KIAA0586: variants seen among roughly 807,000 people sequenced by gnomAD.
KIAA0586 encodes the protein KIAA0586, also known as protein TALPID3.
In KIAA0586, 144 loss-of-function variants were observed where a neutral mutation model predicts 169.8. The observed-to-expected ratio is 0.85, with a 90% CI of 0.74 to 0.97. The LOEUF (loss-of-function observed/expected upper bound fraction) is 0.97. Among genes scored for constraint, KIAA0586 ranks in the 50% least tolerant of loss-of-function variants. The pLI is 0.00. For missense variants in KIAA0586, 1,854 were observed against 1,823.0 expected (o/e 1.02, Z -0.31); for synonymous variants, 625 against 612.4 (o/e 1.02, Z -0.30).
chr14:58,494,316 CT>C (rs2043017802), intron 26 of KIAA0586, among the ~76,000 whole-genome samples: 1 of 86,850 alleles, frequency 1.2e-5, no homozygotes, highest in African/African-American at 4.3e-5. Flanking sequence ...ACTTGACATT[CT>C]TGTTTTTTGT....
chr14:58,443,715 G>A (rs556499154), intron 5 of KIAA0586, among the ~76,000 whole-genome samples: 28 of 152,052 alleles, frequency 1.8e-4, no homozygotes, highest in Non-Finnish European at 3.4e-4. Flanking sequence ...GAGCCACCGC[G>A]CCTGGCCAAT....
chr14:58,556,815 G>C, the KIAA0586 span, among the ~76,000 whole-genome samples: 1 of 152,088 alleles, frequency 6.6e-6, no homozygotes, highest in African/African-American at 2.4e-5. Context: ...GCTCGATCTC[G>C]GCTCACTGCA....
chr14:58,545,086 G>C (rs1345707772), intron 30 of KIAA0586, among the ~76,000 whole-genome samples: 1 of 152,104 alleles, frequency 6.6e-6, no homozygotes, highest in Non-Finnish European at 1.5e-5. Context: ...TATGCTCTTA[G>C]CTCCATACAT....
intron 29 of KIAA0586, among the ~76,000 whole-genome samples, chr14:58,516,482 A>G (rs1244567477): frequency 6.6e-6 from 1 of 152,238 alleles, no homozygotes; most frequent in African/African-American, 2.4e-5. Context: ...TAGCACTATT[A>G]GAAGTTTCTT....
intron 29 of KIAA0586, among the ~76,000 whole-genome samples, chr14:58,537,880 C>A (rs2046402148): frequency 6.6e-6 from 1 of 152,188 alleles, no homozygotes; most frequent in African/African-American, 2.4e-5. Context: ...ATCTCCTGAC[C>A]TCCTGATCTT....
intron 19 of KIAA0586, among the ~76,000 whole-genome samples, chr14:58,475,510 T>G (rs1214400838): frequency 6.6e-6 from 1 of 152,072 alleles, no homozygotes; most frequent in Non-Finnish European, 1.5e-5. Context: ...GAGGGCACTG[T>G]TCTAGGTTTG....
At chr14:58,545,148 C>T (rs2046902536) in intron 30 of KIAA0586, among the ~76,000 whole-genome samples, 1 of 152,198 alleles carries the variant, frequency 6.6e-6, no homozygotes, top group South Asian at 2.1e-4. Flanking sequence ...TTTGGAGAAG[C>T]CCACTTTAAT....
At chr14:58,516,042 A>C (rs1163699564) in intron 29 of KIAA0586, among the ~76,000 whole-genome samples, 1 of 152,164 alleles carries the variant, frequency 6.6e-6, no homozygotes, top group African/African-American at 2.4e-5. Context: ...GTGACAGAGC[A>C]TGGTTACAGG....
chr14:58,437,468 T>TG (rs944173074), intron 4 of KIAA0586, among the ~76,000 whole-genome samples: 1 of 151,948 alleles, frequency 6.6e-6, no homozygotes, highest in African/African-American at 2.4e-5. Flanking sequence ...CTCAGCACTT[T>TG]GGGAGGTCAA....
At position 58,438,908 on chromosome 14, in the gene KIAA0586, A is replaced by G. The variant is rs141320758; in HGVS notation, c.411-3798A>G. ...AAAGCCAAACAGAGGAAATTAGCCA[A>G]TTCAGTTGTTTATAAGGAATAATTT... On this transcript the variant is annotated intron_variant, in intron 4 of 30. Coordinates refer to ENST00000652326, the MANE Select transcript of KIAA0586 (RefSeq NM_001329943.3). Among the ~76,000 whole-genome samples, 125 of 152,306 alleles carry G rather than the reference A, an allele frequency of 8.2e-4. 2 individuals carry two copies. The South Asian group carries it at 0.011, about 14-fold the overall frequency.
chr14:58,467,784 C>T lies in KIAA0586; in HGVS notation c.2304C>T (p.Val768=), dbSNP rs1431604768. ...CCATGCCACCTGCTGGAGTGATTGT[C>T]AGCAAGCCACACCCTGTAACTGTGA... ...SDTMPPAGVI[V]SKPHPVTVTT... The change falls in exon 16 of 31, where the codon GTC becomes GTT. Residue 768 remains valine (V), a synonymous_variant. Coordinates refer to ENST00000652326, the MANE Select transcript of KIAA0586 (RefSeq NM_001329943.3). The T allele has an allele frequency of 6.2e-7, 1 of 1,613,606 alleles. No homozygotes were observed. Among genetic ancestry groups the T allele is most frequent in the East Asian group, 2.2e-5 (1 of 44,866 alleles).
chr14:58,480,040 A>ATAAGC (rs1387060935), intron 20 of KIAA0586, among the ~76,000 whole-genome samples: 1 of 151,646 alleles, frequency 6.6e-6, no homozygotes, highest in Non-Finnish European at 1.5e-5. Flanking sequence ...CAGCCTCAGG[A>ATAAGC]TAAGCTATTC....
chr14:58,492,323 G>GA (rs1212673846), intron 26 of KIAA0586, 48 bp downstream of exon 26: 3 of 1,477,716 alleles, frequency 2.0e-6, no homozygotes, highest in Non-Finnish European at 1.8e-6. Context: ...CTAAATACAG[G>GA]AAAAAATTAA....
intron 27 of KIAA0586, among the ~76,000 whole-genome samples, chr14:58,500,990 G>T (rs2043529522): frequency 6.6e-6 from 1 of 152,186 alleles, no homozygotes; most frequent in South Asian, 2.1e-4. Context: ...TGCAAGTATT[G>T]ATTTGGGGGG....
rs2041478789 is a variant in KIAA0586 at position 58,474,761 on chromosome 14, A to G, written c.2789A>G (p.Glu930Gly). 1 of 1,609,220 alleles carries G rather than the reference A, an allele frequency of 6.2e-7. No individual in the cohort carries two copies. Among genetic ancestry groups the G allele is most frequent in the Non-Finnish European group, 8.5e-7 (1 of 1,178,598 alleles). ...PTADILDKVI[E>G]RKETLENSLI... ...GCTGATATTCTGGATAAAGTAATTG[A>G]GAGAAAAGAAACACTGGAAAATAGC... Residue 930 changes from glutamate (E) to glycine (G), a missense_variant, in exon 19 of 31, where the codon GAG (glutamate) becomes GGG (glycine). By Grantham distance (98) the Glu-to-Gly change is moderately conservative (BLOSUM62 -2). Transcript: ENST00000652326.
rs544050885 is a variant in KIAA0586, at chr14:58,520,072, G to T, written c.4429+7445G>T. 1.2e-3 allele frequency among the ~76,000 whole-genome samples: 183 copies of T among 152,212 alleles called. 1 individual carries two copies. Among genetic ancestry groups the T allele is most frequent in the African/African-American group, 3.3e-3 (137 of 41,540 alleles). On this transcript the variant is annotated intron_variant, in intron 29 of 30. Transcript: ENST00000652326. ...AGTTGAACAGAGGGTAGGGGCAGCC[G>T]AGAATATGCCCAAGGGTGGGGAAAA...
chr14:58,535,930 T>A (rs2140057271), intron 29 of KIAA0586, among the ~76,000 whole-genome samples: 1 of 152,168 alleles, frequency 6.6e-6, no homozygotes, highest in Admixed American at 6.5e-5. Flanking sequence ...TCTTAGATAA[T>A]CCATAAAGAA....
At chr14:58,558,518 T>C in the KIAA0586 span, among the ~76,000 whole-genome samples, 44 of 152,316 alleles carry the variant, frequency 2.9e-4, 1 homozygote, top group African/African-American at 9.9e-4. Context: ...ATCCTTAAGA[T>C]CATTTACTTA....
intron 6 of KIAA0586, 81 bp downstream of exon 6, chr14:58,444,256 T>A: frequency 1.2e-6 from 1 of 847,950 alleles, no homozygotes; most frequent in Non-Finnish European, 1.9e-6. Flanking sequence ...ATAATTACAG[T>A]AGCTCATTAG....
Sources: gnomAD v4.1 joint callset for allele counts (sites outside exome capture counted in the v4.1 genomes callset) on GRCh38, gnomAD v4.1.1 for gene constraint, MANE v1.5 for transcripts, NCBI Gene and HGNC (gene_info 2026-07-23, HGNC 2026-07-21) for gene names.